HOGA1: variants seen among roughly 807,000 people sequenced by gnomAD.
HOGA1 encodes 4-hydroxy-2-oxoglutarate aldolase 1, also known as 4-hydroxy-2-oxoglutarate aldolase, mitochondrial.
HOGA1 carries 30 observed loss-of-function variants against 34.3 expected under a neutral mutation model. The observed-to-expected ratio is 0.87, with a 90% confidence interval of 0.65 to 1.19. The LOEUF is 1.19. Among genes scored for constraint, HOGA1 ranks in the 50% most tolerant of loss-of-function variants. HOGA1 has a pLI of 0.00. For synonymous variants in HOGA1, 161 were observed against 174.0 expected (o/e 0.93, Z 0.59); for missense variants, 417 against 436.5 (o/e 0.96, Z 0.40).
chr10:97,602,955 G>T (rs1442854148), intron 6 of HOGA1, among the ~76,000 whole-genome samples: 1 of 151,876 alleles, frequency 6.6e-6, no homozygotes, highest in Non-Finnish European at 1.5e-5. Flanking sequence ...GCCTCCCAAA[G>T]TGCTGGGATT....
chr10:97,606,270 C>T (rs2041157642), intron 6 of HOGA1, among the ~76,000 whole-genome samples: 1 of 151,342 alleles, frequency 6.6e-6, no homozygotes, highest in Non-Finnish European at 1.5e-5. Context: ...CATTGCACTC[C>T]AGCCTGGGAG....
chr10:97,606,529 G>A (rs1039248458), intron 6 of HOGA1, among the ~76,000 whole-genome samples: 3 of 151,976 alleles, frequency 2.0e-5, no homozygotes, highest in African/African-American at 7.2e-5. Context: ...CCATTGAACT[G>A]CTTGCGTGCC....
chr10:97,594,936 G>A (rs1252744646), intron 1 of HOGA1, among the ~76,000 whole-genome samples: 7 of 152,204 alleles, frequency 4.6e-5, no homozygotes, highest in Admixed American at 2.6e-4. Flanking sequence ...AACAGGTAAC[G>A]GAAATGCAGA....
chr10:97,585,732 G>A (rs1327950273), intron 1 of HOGA1, among the ~76,000 whole-genome samples: 1 of 152,176 alleles, frequency 6.6e-6, no homozygotes, highest in East Asian at 1.9e-4. Flanking sequence ...CTCCCTCGCT[G>A]ACTCTCATTA....
At chr10:97,593,050 A>AAG (rs1564756794) in intron 1 of HOGA1, among the ~76,000 whole-genome samples, 5 of 150,892 alleles carry the variant, frequency 3.3e-5, no homozygotes, top group South Asian at 2.1e-4. Flanking sequence ...AAAAAAAAAA[A>AAG]AGAGAATGGT....
At position 97,612,009 on chromosome 10, in the gene HOGA1, A is replaced by ATTTTTT. The variant is rs5787248; in HGVS notation, c.*354_*355insTTTTTT. 1.5e-5 allele frequency: 3 copies of ATTTTTT among 196,754 alleles called. No individual in the cohort carries two copies. Among genetic ancestry groups the ATTTTTT allele is most frequent in the South Asian group, 1.1e-4 (1 of 9,382 alleles). 12.2% of individuals were successfully genotyped at this position (196,754 alleles called of 1,614,324 possible). On this transcript the variant is annotated 3_prime_UTR_variant, in exon 7 of 7. Transcript: ENST00000370646. ...AGGGGCAAGTAGGCACAGTAAGGGAATTTTCTTTTCTTTTTTTTTTTTTTT... is the reference window on the plus strand; with the variant it reads ...AGGGGCAAGTAGGCACAGTAAGGGAATTTTTTTTTTCTTTTCTTTTTTTTTTTTTTT...
intron 1 of HOGA1, among the ~76,000 whole-genome samples, chr10:97,592,519 TG>T (rs1478205986): frequency 1.3e-5 from 2 of 151,730 alleles, no homozygotes; most frequent in Non-Finnish European, 2.9e-5. Flanking sequence ...AGATTACAGG[TG>T]GGAGCCACCG....
chr10:97,601,862 G>A lies in HOGA1; in HGVS notation c.706G>A (p.Val236Met). The A allele has an allele frequency of 6.2e-7, 1 of 1,612,382 alleles. No individual in the cohort carries two copies. Among genetic ancestry groups the A allele is most frequent in the East Asian group, 2.2e-5 (1 of 44,882 alleles). ...FLMASYALGA[V>M]GGVCALANVL... ...CTGCGTCTTACTTCGTGCAGGAGCT[G>A]TGGGGGGCGTCTGCGCCCTGGCCAA... Residue 236 changes from valine (V) to methionine (M), a missense_variant, in exon 6 of 7, where the codon GTG becomes ATG. Transcript: ENST00000370646.
chr10:97,602,741 A>G lies in HOGA1; in HGVS notation c.834+751A>G, dbSNP rs113321857. On this transcript the variant is annotated intron_variant, in intron 6 of 6. Coordinates refer to ENST00000370646, the MANE Select transcript of HOGA1 (RefSeq NM_138413.4). ...TGCTCTTTTGCCCAGGCTGGAGTGC[A>G]GCAATCTCAGCTCAGTGCAACCTCT... 2.2e-4 allele frequency: 72 copies of G among 321,200 alleles called. 2 individuals are homozygous for G. The highest frequency in any genetic ancestry group is 1.4e-3 in the Admixed American group (21 of 15,338). 19.9% of individuals were successfully genotyped at this position (321,200 alleles called of 1,614,324 possible). A position where few individuals can be genotyped will look rare whatever the true frequency, so the allele number is the denominator to read the frequency against.
intron 1 of HOGA1, among the ~76,000 whole-genome samples, chr10:97,597,283 A>T (rs2041078832): frequency 6.6e-6 from 1 of 151,942 alleles, no homozygotes; most frequent in African/African-American, 2.4e-5. Flanking sequence ...GCCTCAAGTG[A>T]TCCCCCCATC....
At chr10:97,604,551 T>C (rs1230433769) in intron 6 of HOGA1, among the ~76,000 whole-genome samples, 4 of 152,028 alleles carry the variant, frequency 2.6e-5, no homozygotes, top group African/African-American at 9.7e-5. Context: ...CTCAAACTCC[T>C]GGTCTCAAGC....
At chr10:97,610,227 G>A (rs2041184982) in intron 6 of HOGA1, among the ~76,000 whole-genome samples, 1 of 152,188 alleles carries the variant, frequency 6.6e-6, no homozygotes, top group Non-Finnish European at 1.5e-5. Flanking sequence ...CAGGACTTTG[G>A]GAGGCCAAGG....
At chr10:97,585,685 G>T (rs892889201) in intron 1 of HOGA1, among the ~76,000 whole-genome samples, 1 of 152,186 alleles carries the variant, frequency 6.6e-6, no homozygotes, top group Non-Finnish European at 1.5e-5. Context: ...GCTGAGGTTT[G>T]CACCTCGTCT....
Position 97,603,100 on chromosome 10 carries a change from C to T in HOGA1, c.834+1110C>T, listed in dbSNP as rs1338020236. Among the ~76,000 whole-genome samples, 2 of 152,128 alleles carry T rather than the reference C, an allele frequency of 1.3e-5. No individual in the cohort carries two copies. The highest frequency in any genetic ancestry group is 2.1e-4 in the South Asian group (1 of 4,816). On this transcript the variant is annotated intron_variant, in intron 6 of 6. Transcript: ENST00000370646. The surrounding 1 kb of genome is among the most constrained non-coding windows in gnomAD (Gnocchi z 4.5). ...CACTGCAACCTCCGCCTCCCTGGTG[C>T]GAGCAATTCTCCTGTCTCAGCTTCC...
rs2041199277 is a variant in HOGA1 at position 97,611,897 on chromosome 10, C to A, written c.*238C>A. On this transcript the variant is annotated 3_prime_UTR_variant, in exon 7 of 7. Transcript: ENST00000370646. The stretch of plus-strand genomic sequence containing the variant: ...CTAAACTGTGTCTCTGGTCTGAAGA[C>A]TGGGAAGGAGCAATTTCTCAATTTA... The A allele has an allele frequency of 5.3e-6, 3 of 562,822 alleles. No individual in the cohort carries two copies. The South Asian group carries it at 6.9e-5, about 13-fold the overall frequency. 34.9% of individuals were successfully genotyped at this position (562,822 alleles called of 1,614,324 possible). A position where few individuals can be genotyped will look rare whatever the true frequency, so the allele number is the denominator to read the frequency against.
chr10:97,593,036 A>AAAAAAAAAAAAAAAAAAAAAAAG (rs2041039946), intron 1 of HOGA1, among the ~76,000 whole-genome samples: 1 of 149,824 alleles, frequency 6.7e-6, no homozygotes, highest in Non-Finnish European at 1.5e-5. Context: ...TCTCAAAAAA[A>AAAAAAAAAAAAAAAAAAAAAAAG]AAAAAAAAAA....
At position 97,593,343 on chromosome 10, in the gene HOGA1, G is replaced by C. The variant is rs528830471; in HGVS notation, c.212-5432G>C. Among the ~76,000 whole-genome samples, 455 of 152,162 alleles carry C rather than the reference G, an allele frequency of 3.0e-3. 2 individuals carry two copies. The highest frequency in any genetic ancestry group is 9.4e-3 in the African/African-American group (389 of 41,498). On this transcript the variant is annotated intron_variant, in intron 1 of 6. Transcript: ENST00000370646. ...ATACAAAAAATTAGCTGGGTGTGGT[G>C]GCAGGCACCTGTAATCTCAGCTACT...
chr10:97,602,118 C>T (rs2041124095), intron 6 of HOGA1, 128 bp downstream of exon 6: 15 of 1,549,870 alleles, frequency 9.7e-6, no homozygotes, highest in Non-Finnish European at 1.3e-5. Context: ...TTTGAGAGAA[C>T]ATCCCAGTGT....
intron 6 of HOGA1, among the ~76,000 whole-genome samples, chr10:97,607,012 A>C (rs4519024): frequency 2.0e-5 from 3 of 151,710 alleles, no homozygotes; most frequent in Non-Finnish European, 4.4e-5. Flanking sequence ...GCTCACGCCT[A>C]TAATCTTAGC....
Sources: gnomAD v4.1 joint callset for allele counts (sites outside exome capture counted in the v4.1 genomes callset) on GRCh38, gnomAD v4.1.1 for gene constraint, Gnocchi (gnomAD v3.1) non-coding constraint, MANE v1.5 for transcripts, NCBI Gene and HGNC (gene_info 2026-07-23, HGNC 2026-07-21) for gene names.